PCDHA12: variants seen among roughly 807,000 people sequenced by gnomAD.
PCDHA12 encodes protocadherin alpha-12.
Under a neutral mutation model 60.0 loss-of-function variants are expected in PCDHA12, and 44 were observed. The ratio of observed to expected loss-of-function variants is 0.73; its 90% CI spans 0.58 to 0.94. The LOEUF (loss-of-function observed/expected upper bound fraction) is 0.94, where lower values mean the gene tolerates loss of function less well. Among genes scored for constraint, PCDHA12 ranks in the 40% least tolerant of loss-of-function variants. PCDHA12 has a pLI of 0.00. For synonymous variants in PCDHA12, 569 were observed against 553.0 expected (o/e 1.03, Z -0.40); for missense variants, 1,276 against 1,239.7 (o/e 1.03, Z -0.44).
intron 1 of PCDHA12, chr5:140,969,574 G>T (rs948199454): frequency 1.0e-6 from 1 of 983,446 alleles, no homozygotes; most frequent in Non-Finnish European, 1.5e-6. Context: ...TGTTTGAGAA[G>T]TGAGGATTAG....
At chr5:140,892,623 C>T (rs2153438758) in intron 1 of PCDHA12, among the ~76,000 whole-genome samples, 1 of 152,114 alleles carries the variant, frequency 6.6e-6, no homozygotes, top group East Asian at 1.9e-4. Flanking sequence ...CCAGTTGGTA[C>T]ATAATAATTG....
chr5:140,933,645 G>A lies in PCDHA12; in HGVS notation c.2368-45304G>A, dbSNP rs1014286392. Among the ~76,000 whole-genome samples the A allele has an allele frequency of 3.3e-5, 5 of 151,892 alleles. No individual in the cohort carries two copies. The South Asian group carries it at 8.3e-4, about 25-fold the overall frequency. On this transcript the variant is annotated intron_variant, in intron 1 of 3. Transcript: ENST00000398631. ...TAGGCTGGCCCTGTTAAACAAGTTG[G>A]AAATCCTGTCTCTCTCTCTGTCTCT...
intron 3 of PCDHA12, among the ~76,000 whole-genome samples, chr5:140,983,949 T>TA (rs1554245835): frequency 1.3e-5 from 2 of 152,176 alleles, no homozygotes. Flanking sequence ...ACAATTCAAC[T>TA]AAAAGTCACA....
intron 1 of PCDHA12, among the ~76,000 whole-genome samples, chr5:140,978,440 T>G (rs1238163577): frequency 2.0e-5 from 3 of 152,244 alleles, no homozygotes; most frequent in African/African-American, 7.2e-5. Context: ...GCTGGTGTTA[T>G]GACTGGGCAC....
chr5:140,894,484 T>C (rs2064498102), intron 1 of PCDHA12, among the ~76,000 whole-genome samples: 1 of 152,002 alleles, frequency 6.6e-6, no homozygotes, highest in Admixed American at 6.5e-5. Flanking sequence ...TTTCATCTTA[T>C]AGTTTTCTTT....
intron 1 of PCDHA12, among the ~76,000 whole-genome samples, chr5:140,949,595 G>A (rs1342869045): frequency 1.3e-5 from 2 of 151,566 alleles, no homozygotes; most frequent in Admixed American, 6.6e-5. Context: ...TATTAATGTG[G>A]CCATTCTAGT....
chr5:140,920,129 A>T lies in PCDHA12; in HGVS notation c.2367+42290A>T, dbSNP rs369489887. Among the ~76,000 whole-genome samples, 8 of 152,262 alleles carry T rather than the reference A, an allele frequency of 5.3e-5. No homozygotes were observed. The South Asian group carries it at 1.7e-3, about 32-fold the overall frequency. ...CAACCTTGCCAACATCTTGAGTTTT[A>T]ATTCTCCTCTCCAAACCTGGGAGAA... On this transcript the variant is annotated intron_variant, in intron 1 of 3. Transcript: ENST00000398631.
intron 3 of PCDHA12, among the ~76,000 whole-genome samples, chr5:140,994,753 G>A (rs143791883): frequency 1.1e-4 from 16 of 152,252 alleles, no homozygotes; most frequent in African/African-American, 3.9e-4. Context: ...AGTAGGATGT[G>A]GAGAGGAAGA....
chr5:140,899,123 A>T (rs1190536862), intron 1 of PCDHA12, among the ~76,000 whole-genome samples: 6 of 152,240 alleles, frequency 3.9e-5, no homozygotes, highest in Non-Finnish European at 7.3e-5. Flanking sequence ...ATATACAATC[A>T]TGTCTTCTGC....
At chr5:140,996,389 A>G (rs543903221) in intron 3 of PCDHA12, among the ~76,000 whole-genome samples, 3 of 152,328 alleles carry the variant, frequency 2.0e-5, no homozygotes, top group Admixed American at 1.3e-4. Context: ...ATAATGCCTC[A>G]TAGAGTTTCA....
At position 140,929,044 on chromosome 5, in the gene PCDHA12, T is replaced by C. The variant is rs17844369; in HGVS notation, c.2368-49905T>C. ...GAGCCCAGGCTGTTGCGCTCAGAGC[T>C]GCTGTCGCTCTACAGAGGATCTGAG... On this transcript the variant is annotated intron_variant, in intron 1 of 3. Coordinates refer to ENST00000398631, the MANE Select transcript of PCDHA12 (RefSeq NM_018903.4). 7 of 1,614,100 alleles carry C rather than the reference T, an allele frequency of 4.3e-6. No individual in the cohort carries two copies. The East Asian group carries it at 1.6e-4, about 36-fold the overall frequency.
intron 1 of PCDHA12, among the ~76,000 whole-genome samples, chr5:140,936,526 C>T (rs183606913): frequency 6.6e-6 from 1 of 152,302 alleles, no homozygotes; most frequent in East Asian, 1.9e-4. Flanking sequence ...CCTGAAATTG[C>T]TTTTGAATAT....
At chr5:140,913,503 T>G (rs1334607884) in intron 1 of PCDHA12, among the ~76,000 whole-genome samples, 6 of 152,182 alleles carry the variant, frequency 3.9e-5, no homozygotes, top group African/African-American at 1.4e-4. Context: ...GTTTAAAACT[T>G]TGTCAATTTT....
chr5:140,970,967 G>C (rs2096448125), intron 1 of PCDHA12, among the ~76,000 whole-genome samples: 2 of 152,206 alleles, frequency 1.3e-5, no homozygotes, highest in Non-Finnish European at 2.9e-5. Context: ...GCAGATTGTA[G>C]ATTAAGAAAA....
intron 1 of PCDHA12, among the ~76,000 whole-genome samples, chr5:140,892,032 T>C (rs1329804086): frequency 6.6e-6 from 1 of 152,222 alleles, no homozygotes; most frequent in African/African-American, 2.4e-5. Context: ...TCTAAGATAC[T>C]TTTATTTATT....
chr5:140,982,120 T>C (rs1554243763), intron 2 of PCDHA12, among the ~76,000 whole-genome samples: 1 of 152,256 alleles, frequency 6.6e-6, no homozygotes, highest in Non-Finnish European at 1.5e-5. Context: ...CTTGGAACTT[T>C]TGAGAACAAG....
rs146932686 is a variant in PCDHA12, at chr5:140,955,010, G to T, written c.2368-23939G>T. 3.9e-3 allele frequency among the ~76,000 whole-genome samples: 599 copies of T among 152,256 alleles called. 6 individuals carry two copies. The highest frequency in any genetic ancestry group is 0.032 in the South Asian group (154 of 4,816). On this transcript the variant is annotated intron_variant, in intron 1 of 3. Transcript: ENST00000398631. ...TGCATATGGCTAGCCAATTCTCCCAGCACCATTTATTAAATAGGGAATCTT... is the reference window on the plus strand; with the variant it reads ...TGCATATGGCTAGCCAATTCTCCCATCACCATTTATTAAATAGGGAATCTT...
At chr5:140,884,310 GGGCGTC>G (rs1301213144) in intron 1 of PCDHA12, 7 of 1,613,674 alleles carry the variant, frequency 4.3e-6, no homozygotes, top group Non-Finnish European at 5.9e-6. Flanking sequence ...GCTTCGTCGA[GGGCGTC>G]GGCAGGCGCT....
At chr5:140,894,405 CT>C (rs1198263353) in intron 1 of PCDHA12, among the ~76,000 whole-genome samples, 2 of 151,926 alleles carry the variant, frequency 1.3e-5, no homozygotes, top group African/African-American at 4.8e-5. Context: ...CTTTGCTTTT[CT>C]TTTGTAGCTA....
Sources: allele counts gnomAD v4.1 joint callset (sites outside exome capture counted in the v4.1 genomes callset), GRCh38; gene constraint gnomAD v4.1.1; transcripts MANE v1.5; gene names NCBI Gene and HGNC (gene_info 2026-07-23, HGNC 2026-07-21).